KIAA1549: variants seen among roughly 807,000 people sequenced by gnomAD.
KIAA1549 encodes the protein KIAA1549, also known as UPF0606 protein KIAA1549.
KIAA1549 carries 70 observed loss-of-function variants against 156.4 expected under a neutral mutation model. The ratio of observed to expected loss-of-function variants is 0.45; its 90% CI spans 0.37 to 0.55. The LOEUF is 0.55. Among genes scored for constraint, KIAA1549 ranks in the 20% least tolerant of loss-of-function variants. KIAA1549 has a pLI of 0.00. For synonymous variants in KIAA1549, 1,103 were observed against 1,066.4 expected, an observed-to-expected ratio of 1.03 and a Z score of -0.67; for missense variants, 2,428 against 2,540.9, an observed-to-expected ratio of 0.96 and a Z score of 0.96.
chr7:138,897,414 C>T (rs1811712587), intron 9 of KIAA1549, among the ~76,000 whole-genome samples: 2 of 152,194 alleles, frequency 1.3e-5, no homozygotes, highest in South Asian at 2.1e-4. Context: ...AAACCTTCTA[C>T]TATCAAGGAT....
chr7:138,944,785 C>T (rs1258048829), intron 1 of KIAA1549, among the ~76,000 whole-genome samples: 1 of 152,182 alleles, frequency 6.6e-6, no homozygotes, highest in African/African-American at 2.4e-5. Context: ...CTGAAAGCAG[C>T]CAGACACACA....
At chr7:138,853,749 G>A (rs1336720323) in intron 16 of KIAA1549, among the ~76,000 whole-genome samples, 4 of 152,178 alleles carry the variant, frequency 2.6e-5, no homozygotes, top group African/African-American at 7.2e-5. Context: ...GGGAGAAAGA[G>A]AAGGAAAAGA....
rs1000184979 is a variant in KIAA1549 at position 138,835,193 on chromosome 7, G to C, written c.*2713C>G. The C allele has an allele frequency of 4.6e-6, 1 of 217,780 alleles. No homozygotes were observed. Among genetic ancestry groups the C allele is most frequent in the African/African-American group, 2.3e-5 (1 of 44,424 alleles). The allele number at this position is 217,780 out of a possible 1,614,324, so 13.5% of individuals were successfully genotyped here. On this transcript the variant is annotated 3_prime_UTR_variant, in exon 20 of 20. Transcript: ENST00000422774. ...AATGTCTGAAGACCGCTAGGGTACGGTGCTGCTCACACAGCTAGTTTTTTC... is the reference window on the plus strand; with the variant it reads ...AATGTCTGAAGACCGCTAGGGTACGCTGCTGCTCACACAGCTAGTTTTTTC...
intron 1 of KIAA1549, among the ~76,000 whole-genome samples, chr7:138,974,980 C>G (rs181558464): frequency 2.0e-5 from 3 of 152,102 alleles, no homozygotes; most frequent in Non-Finnish European, 2.9e-5. Flanking sequence ...GGCACTTTAC[C>G]TCTTAGCCCA....
chr7:138,903,864 C>CGTGCGT lies in KIAA1549; in HGVS notation c.3521-129_3521-128insACGCAC, dbSNP rs150868084. 1.2e-4 allele frequency: 75 copies of CGTGCGT among 627,696 alleles called. 1 individual carries two copies. The highest frequency in any genetic ancestry group is 1.4e-4 in the Non-Finnish European group (53 of 387,362). 38.9% of individuals were successfully genotyped at this position (627,696 alleles called of 1,614,324 possible). A position where few individuals can be genotyped will look rare whatever the true frequency, so the allele number is the denominator to read the frequency against. Reference sequence around the variant, plus strand: ...GTGTGTGTGTGTGTGCGCGCGCGCGCGCGCGCACATATGTATTTGAAATTA... The same window carrying CGTGCGT: ...GTGTGTGTGTGTGTGCGCGCGCGCGCGTGCGTGCGCGCACATATGTATTTGAAATTA... On this transcript the variant is annotated intron_variant, in intron 7 of 19. Transcript: ENST00000422774.
At chr7:138,964,668 C>A (rs1813961239) in intron 1 of KIAA1549, among the ~76,000 whole-genome samples, 2 of 152,138 alleles carry the variant, frequency 1.3e-5, no homozygotes, top group South Asian at 4.1e-4. Flanking sequence ...GAGAAATGCA[C>A]CTTTAATGGA....
chr7:138,841,892 T>TTA (rs1554409024), intron 18 of KIAA1549, among the ~76,000 whole-genome samples: 3 of 141,646 alleles, frequency 2.1e-5, no homozygotes, highest in Admixed American at 1.4e-4. Context: ...CAACCACATT[T>TTA]AAAAAAAAAA....
Position 138,878,531 on chromosome 7 carries a change from C to A in KIAA1549, c.4345+1007G>T, listed in dbSNP as rs556545697. Among the ~76,000 whole-genome samples the A allele has an allele frequency of 4.6e-5, 7 of 152,264 alleles. No individual in the cohort carries two copies. The East Asian group carries it at 7.7e-4, about 17-fold the overall frequency. ...ATCCCAGCACTTTGGGAAGGCGAGG[C>A]GGATGGATCGCTTGAGTCAAGGAGT... On this transcript the variant is annotated intron_variant, in intron 12 of 19. Coordinates refer to ENST00000422774, the MANE Select transcript of KIAA1549 (RefSeq NM_001164665.2).
Position 138,837,873 on chromosome 7 carries a change from C to T in KIAA1549, c.*33G>A, listed in dbSNP as rs1487309730. 3.2e-5 allele frequency: 52 copies of T among 1,603,070 alleles called. No individual in the cohort carries two copies. Among genetic ancestry groups the T allele is most frequent in the Admixed American group, 3.4e-5 (2 of 59,216 alleles). On this transcript the variant is annotated 3_prime_UTR_variant, in exon 20 of 20. Coordinates refer to ENST00000422774, the MANE Select transcript of KIAA1549 (RefSeq NM_001164665.2). Reference sequence around the variant, plus strand: ...CTTTTGGTCTTGCTTCCACAGGAAGCGGATACTTGGCAAATCTGCGAGGCG... The same window carrying T: ...CTTTTGGTCTTGCTTCCACAGGAAGTGGATACTTGGCAAATCTGCGAGGCG...
At chr7:138,902,240 G>T (rs373169738) in intron 8 of KIAA1549, among the ~76,000 whole-genome samples, 74 of 152,248 alleles carry the variant, frequency 4.9e-4, no homozygotes, top group African/African-American at 1.6e-3. Flanking sequence ...TGATGAGAGG[G>T]ACACACTGGT....
intron 12 of KIAA1549, among the ~76,000 whole-genome samples, chr7:138,877,722 C>G (rs1811127984): frequency 6.6e-6 from 1 of 152,184 alleles, no homozygotes; most frequent in South Asian, 2.1e-4. Context: ...ATTCTGCTAT[C>G]TCTTCAAATT....
chr7:138,968,420 A>T (rs549901265), intron 1 of KIAA1549, among the ~76,000 whole-genome samples: 30 of 152,356 alleles, frequency 2.0e-4, no homozygotes, highest in African/African-American at 6.5e-4. Context: ...TATTAAACAG[A>T]AATTTTTATT....
chr7:138,929,292 A>C (rs1812806987), intron 1 of KIAA1549, among the ~76,000 whole-genome samples: 1 of 152,234 alleles, frequency 6.6e-6, no homozygotes, highest in South Asian at 2.1e-4. Context: ...TATTCACAGC[A>C]TCTTCACCAG....
intron 1 of KIAA1549, among the ~76,000 whole-genome samples, chr7:138,930,496 C>T (rs139509603): frequency 6.6e-6 from 1 of 152,366 alleles, no homozygotes; most frequent in East Asian, 1.9e-4. Flanking sequence ...AGTCTAACTG[C>T]CTCCACCAGT....
intron 15 of KIAA1549, 149 bp downstream of exon 15, chr7:138,867,826 T>C: frequency 1.2e-6 from 1 of 834,720 alleles, no homozygotes; most frequent in Non-Finnish European, 1.8e-6. Context: ...CTTCATGACC[T>C]AGAGGGCCCT....
chr7:138,909,852 C>A (rs1812116834), intron 4 of KIAA1549, among the ~76,000 whole-genome samples: 1 of 151,920 alleles, frequency 6.6e-6, no homozygotes. Context: ...GAGGCTCAGG[C>A]AAGAGAATTG....
Position 138,971,848 on chromosome 7 carries a change from G to A in KIAA1549, c.187+9235C>T, listed in dbSNP as rs76016536. On this transcript the variant is annotated intron_variant, in intron 1 of 19. Coordinates refer to ENST00000422774, the MANE Select transcript of KIAA1549 (RefSeq NM_001164665.2). ...ATCCTAGACACCCAACTCCTGCCCTGTACACCTGCTATCTGAGCACACAGG... is the reference window on the plus strand; with the variant it reads ...ATCCTAGACACCCAACTCCTGCCCTATACACCTGCTATCTGAGCACACAGG... Among the ~76,000 whole-genome samples, 558 of 152,262 alleles carry A rather than the reference G, an allele frequency of 3.7e-3. 3 individuals carry two copies. Among genetic ancestry groups the A allele is most frequent in the African/African-American group, 0.013 (541 of 41,554 alleles).
In KIAA1549 at chr7:138,905,097, A is replaced by T. The variant is rs1003773803; in HGVS notation, c.3461-16T>A. ...TACTGGAAGGCTACAAAAGGGAAAG[A>T]ATTAGGGAAGGAGAAAAATATCTGT... On this transcript the variant is annotated splice_polypyrimidine_tract_variant and intron_variant, in intron 6 of 19. Transcript: ENST00000422774. 1 of 1,543,306 alleles carries T rather than the reference A, an allele frequency of 6.5e-7. No individual in the cohort carries two copies. The highest frequency in any genetic ancestry group is 8.8e-7 in the Non-Finnish European group (1 of 1,134,816).
intron 1 of KIAA1549, among the ~76,000 whole-genome samples, chr7:138,943,685 TA>T (rs781733176): frequency 4.3e-4 from 65 of 152,144 alleles, no homozygotes; most frequent in Non-Finnish European, 6.9e-4. Context: ...CCGTCTCTAC[TA>T]AAAATACAAA....
Sources: gnomAD v4.1 joint callset for allele counts (sites outside exome capture counted in the v4.1 genomes callset) on GRCh38, gnomAD v4.1.1 for gene constraint, MANE v1.5 for transcripts, NCBI Gene and HGNC (gene_info 2026-07-23, HGNC 2026-07-21) for gene names.